PRKCB: variants seen among roughly 807,000 people sequenced by gnomAD.
PRKCB encodes the protein protein kinase C beta, also known as protein kinase C beta type.
Under a neutral mutation model 81.5 loss-of-function variants are expected in PRKCB, and 13 were observed. The ratio of observed to expected loss-of-function variants is 0.16; its 90% CI spans 0.10 to 0.25. The LOEUF (loss-of-function observed/expected upper bound fraction) is 0.25. Ranked by LOEUF, PRKCB falls within the 10% of genes least tolerant of loss-of-function variation. PRKCB has a pLI of 1.00. For missense variants in PRKCB, 509 were observed against 875.7 expected (o/e 0.58, Z 5.29); for synonymous variants, 335 against 321.4 (o/e 1.04, Z -0.45).
intron 5 of PRKCB, among the ~76,000 whole-genome samples, chr16:24,043,288 G>GT (rs934516985): frequency 3.3e-5 from 5 of 151,880 alleles, no homozygotes; most frequent in Non-Finnish European, 5.9e-5. Flanking sequence ...TTTTTTGTTT[G>GT]TTTTTTGAGG....
chr16:23,911,576 A>G (rs1373856230), intron 2 of PRKCB, among the ~76,000 whole-genome samples: 2 of 152,170 alleles, frequency 1.3e-5, no homozygotes, highest in Non-Finnish European at 2.9e-5. Flanking sequence ...AAAGAAAACT[A>G]TTAATCATAT....
intron 2 of PRKCB, among the ~76,000 whole-genome samples, chr16:23,964,547 G>T (rs941587098): frequency 6.6e-6 from 1 of 152,110 alleles, no homozygotes; most frequent in East Asian, 1.9e-4. Context: ...TTTATTTATT[G>T]AAAATAATAT....
At chr16:24,010,848 C>T (rs1449823161) in intron 3 of PRKCB, among the ~76,000 whole-genome samples, 1 of 152,124 alleles carries the variant, frequency 6.6e-6, no homozygotes, top group Non-Finnish European at 1.5e-5. Flanking sequence ...TACCTACTCC[C>T]TCAGTCAGAC....
intron 16 of PRKCB, among the ~76,000 whole-genome samples, chr16:24,194,812 T>C (rs1025704742): frequency 6.6e-6 from 1 of 152,198 alleles, no homozygotes. Context: ...CAAAGTACAG[T>C]GATCAGGCTG....
intron 2 of PRKCB, among the ~76,000 whole-genome samples, chr16:23,895,459 A>T (rs1158910984): frequency 6.6e-6 from 1 of 152,086 alleles, no homozygotes; most frequent in Admixed American, 6.5e-5. Flanking sequence ...AAATGTCCCT[A>T]TGTACTTTCA....
intron 2 of PRKCB, among the ~76,000 whole-genome samples, chr16:23,975,542 C>T (rs1190717174): frequency 2.0e-5 from 3 of 152,160 alleles, no homozygotes; most frequent in Non-Finnish European, 4.4e-5. Flanking sequence ...TGTCAAACCT[C>T]ATAGTTCCTG....
chr16:23,932,800 G>T (rs1305810464), intron 2 of PRKCB, among the ~76,000 whole-genome samples: 1 of 152,164 alleles, frequency 6.6e-6, no homozygotes, highest in African/African-American at 2.4e-5. Flanking sequence ...CCTTGTAACA[G>T]ACTTATTCCT....
intron 16 of PRKCB, among the ~76,000 whole-genome samples, chr16:24,193,472 T>TAAATAAATAAATAAATA (rs1555501786): frequency 1.2e-4 from 12 of 103,088 alleles, no homozygotes; most frequent in African/African-American, 2.5e-4. Context: ...AATAAATAAA[T>TAAATAAATAAATAAATA]AAATAAATAA....
rs112706964 is a variant in PRKCB, at chr16:24,044,572, A to G, written c.529+9025A>G. Among the ~76,000 whole-genome samples, 1,290 of 152,278 alleles carry G rather than the reference A, an allele frequency of 8.5e-3. 19 individuals are homozygous for G. The highest frequency in any genetic ancestry group is 0.03 in the African/African-American group (1,251 of 41,542). On this transcript the variant is annotated intron_variant, in intron 5 of 16. Transcript: ENST00000643927. Reference sequence around the variant, plus strand: ...CTAAATAACTAAAAACAAAACACCAATGGGTTAGAGCTACAGATATTGGTG... The same window carrying G: ...CTAAATAACTAAAAACAAAACACCAGTGGGTTAGAGCTACAGATATTGGTG...
chr16:24,141,400 T>G (rs1468631754), intron 9 of PRKCB, among the ~76,000 whole-genome samples: 1 of 152,116 alleles, frequency 6.6e-6, no homozygotes, highest in African/African-American at 2.4e-5. Flanking sequence ...TTCACCATGT[T>G]GACAAGGCTG....
chr16:23,958,802 C>G (rs1024265155), intron 2 of PRKCB, among the ~76,000 whole-genome samples: 1 of 151,130 alleles, frequency 6.6e-6, no homozygotes, highest in Non-Finnish European at 1.5e-5. Context: ...TTAAGTACCT[C>G]CTTACCAATG....
At chr16:24,153,644 C>T (rs1967110696) in intron 9 of PRKCB, among the ~76,000 whole-genome samples, 1 of 152,084 alleles carries the variant, frequency 6.6e-6, no homozygotes, top group Non-Finnish European at 1.5e-5. Context: ...AGAATATTCC[C>T]CCGGTTGGGA....
intron 2 of PRKCB, among the ~76,000 whole-genome samples, chr16:23,861,314 A>G (rs1355539669): frequency 6.6e-6 from 1 of 152,042 alleles, no homozygotes; most frequent in African/African-American, 2.4e-5. Context: ...GACTACAGGC[A>G]TGTCCCACCA....
chr16:23,866,125 C>T (rs1479097115), intron 2 of PRKCB, among the ~76,000 whole-genome samples: 1 of 152,110 alleles, frequency 6.6e-6, no homozygotes, highest in Non-Finnish European at 1.5e-5. Context: ...AATTATCGCC[C>T]CTGGGAAGGG....
At chr16:24,067,975 C>T (rs2141882335) in intron 5 of PRKCB, among the ~76,000 whole-genome samples, 1 of 149,446 alleles carries the variant, frequency 6.7e-6, no homozygotes, top group South Asian at 2.1e-4. Context: ...AGAGAGAGAG[C>T]TGAGGAAGAG....
chr16:24,209,386 A>G (rs1382689446), intron 16 of PRKCB, among the ~76,000 whole-genome samples: 1 of 152,016 alleles, frequency 6.6e-6, no homozygotes, highest in Non-Finnish European at 1.5e-5. Context: ...ACGGCCACCA[A>G]TCTAGCTCCC....
intron 2 of PRKCB, among the ~76,000 whole-genome samples, chr16:23,915,301 T>G (rs1422207635): frequency 1.3e-5 from 2 of 152,186 alleles, no homozygotes; most frequent in Non-Finnish European, 2.9e-5. Flanking sequence ...TGGCGGCCCC[T>G]ATGCTGTCCC....
At chr16:23,977,185 G>A (rs1047501525) in intron 2 of PRKCB, among the ~76,000 whole-genome samples, 2 of 152,144 alleles carry the variant, frequency 1.3e-5, no homozygotes, top group African/African-American at 4.8e-5. Flanking sequence ...TTAGAGGAAG[G>A]ACCTCTATAC....
chr16:24,010,972 C>T (rs1184391043), intron 3 of PRKCB, among the ~76,000 whole-genome samples: 1 of 152,170 alleles, frequency 6.6e-6, no homozygotes, highest in East Asian at 1.9e-4. Flanking sequence ...TTAAGTGATC[C>T]TCCTGCCTCA....
Sources: allele counts gnomAD v4.1 joint callset (sites outside exome capture counted in the v4.1 genomes callset), GRCh38; gene constraint gnomAD v4.1.1; transcripts MANE v1.5; gene names NCBI Gene and HGNC (gene_info 2026-07-23, HGNC 2026-07-21).